The following PDZRN3 variants were observed in gnomAD, a reference collection of about 807,000 sequenced individuals.
PDZRN3 encodes PDZ domain containing ring finger 3, also known as E3 ubiquitin-protein ligase PDZRN3.
PDZRN3 carries 38 observed loss-of-function variants against 85.7 expected under a neutral mutation model. That is an observed-to-expected ratio of 0.44 (90% CI 0.34 to 0.58). The LOEUF is 0.58. Among genes scored for constraint, PDZRN3 ranks in the 20% least tolerant of loss-of-function variants. The pLI, the probability that PDZRN3 is intolerant of heterozygous loss-of-function variation, is 0.01. For synonymous variants in PDZRN3, 759 were observed against 638.0 expected (o/e 1.19, Z -2.86); for missense variants, 1,629 against 1,506.4 (o/e 1.08, Z -1.35).
intron 3 of PDZRN3, among the ~76,000 whole-genome samples, chr3:73,597,553 A>C (rs1702448338): frequency 6.6e-6 from 1 of 152,144 alleles, no homozygotes; most frequent in Non-Finnish European, 1.5e-5. Context: ...TAACCCACGC[A>C]ATCACTACAC....
intron 3 of PDZRN3, among the ~76,000 whole-genome samples, chr3:73,557,338 G>A (rs950166474): frequency 1.7e-4 from 26 of 152,212 alleles, no homozygotes; most frequent in African/African-American, 6.3e-4. Flanking sequence ...TCATATTAGA[G>A]ACAACAGCTG....
At chr3:73,594,467 A>G (rs1702405033) in intron 3 of PDZRN3, among the ~76,000 whole-genome samples, 1 of 152,166 alleles carries the variant, frequency 6.6e-6, no homozygotes, top group Admixed American at 6.5e-5. Context: ...TAATTGCAAA[A>G]ATCCTTTACC....
chr3:73,501,271 T>C (rs1051541731), intron 3 of PDZRN3, among the ~76,000 whole-genome samples: 8 of 152,238 alleles, frequency 5.3e-5, no homozygotes, highest in Non-Finnish European at 8.8e-5. Flanking sequence ...TCACCTGAGC[T>C]AGAGGCATCT....
At chr3:73,517,498 C>T (rs1245935637) in intron 3 of PDZRN3, among the ~76,000 whole-genome samples, 2 of 152,142 alleles carry the variant, frequency 1.3e-5, no homozygotes, top group South Asian at 2.1e-4. Flanking sequence ...TCAAAGTTAA[C>T]GTCACAGCGA....
At chr3:73,507,439 G>C (rs529348785) in intron 3 of PDZRN3, among the ~76,000 whole-genome samples, 135 of 152,262 alleles carry the variant, frequency 8.9e-4, no homozygotes, top group Middle Eastern at 3.4e-3. Flanking sequence ...CAAAGTGCTG[G>C]GATTACAGGC....
intron 3 of PDZRN3, among the ~76,000 whole-genome samples, chr3:73,531,978 C>T (rs1191654585): frequency 6.6e-6 from 1 of 152,178 alleles, no homozygotes; most frequent in Non-Finnish European, 1.5e-5. Flanking sequence ...TAAAAGTCTC[C>T]CAATTTTGAA....
At chr3:73,408,883 T>C (rs1429679942) in intron 3 of PDZRN3, among the ~76,000 whole-genome samples, 3 of 152,096 alleles carry the variant, frequency 2.0e-5, no homozygotes, top group Admixed American at 1.3e-4. Context: ...AGGATTAGCA[T>C]TGCATCTACA....
chr3:73,597,003 A>T (rs1240863537), intron 3 of PDZRN3, among the ~76,000 whole-genome samples: 1 of 152,206 alleles, frequency 6.6e-6, no homozygotes, highest in Non-Finnish European at 1.5e-5. Context: ...AATGTAGTAG[A>T]TGTTAATATT....
At chr3:73,580,956 G>A (rs970534805) in intron 3 of PDZRN3, among the ~76,000 whole-genome samples, 15 of 152,118 alleles carry the variant, frequency 9.9e-5, no homozygotes, top group African/African-American at 2.9e-4. Context: ...TGCTGTATCC[G>A]GTTAACAACT....
At chr3:73,544,765 C>T (rs1243185914) in intron 3 of PDZRN3, among the ~76,000 whole-genome samples, 1 of 151,650 alleles carries the variant, frequency 6.6e-6, no homozygotes, top group Non-Finnish European at 1.5e-5. Flanking sequence ...AAATCATGTG[C>T]TTTTCTTTTG....
intron 3 of PDZRN3, among the ~76,000 whole-genome samples, chr3:73,535,668 C>T (rs1046440851): frequency 6.6e-6 from 1 of 152,214 alleles, no homozygotes; most frequent in African/African-American, 2.4e-5. Context: ...GAAAACAAGT[C>T]AAGTTCCATT....
chr3:73,460,268 A>G (rs1346373262), intron 3 of PDZRN3, among the ~76,000 whole-genome samples: 1 of 152,196 alleles, frequency 6.6e-6, no homozygotes, highest in African/African-American at 2.4e-5. Context: ...TCAATAGGTG[A>G]GAGTGCGATG....
intron 3 of PDZRN3, among the ~76,000 whole-genome samples, chr3:73,465,834 G>T (rs959642663): frequency 1.3e-5 from 2 of 152,178 alleles, no homozygotes; most frequent in Non-Finnish European, 1.5e-5. Context: ...TTGGTCACTA[G>T]GTGGATTCAT....
chr3:73,503,590 G>C (rs1184234161), intron 3 of PDZRN3, among the ~76,000 whole-genome samples: 1 of 152,118 alleles, frequency 6.6e-6, no homozygotes, highest in Non-Finnish European at 1.5e-5. Context: ...TGCTTTGTTT[G>C]GTAGTTTTTG....
chr3:73,416,193 A>G (rs1702078857), intron 3 of PDZRN3, among the ~76,000 whole-genome samples: 1 of 152,082 alleles, frequency 6.6e-6, no homozygotes, highest in Non-Finnish European at 1.5e-5. Context: ...CTCCCACCGT[A>G]AGCGCTCCAG....
At chr3:73,521,849 G>A (rs753182638) in intron 3 of PDZRN3, among the ~76,000 whole-genome samples, 2 of 152,136 alleles carry the variant, frequency 1.3e-5, no homozygotes, top group Non-Finnish European at 2.9e-5. Flanking sequence ...CTGTTGTCAT[G>A]GGGAAGGACG....
chr3:73,608,720 C>G (rs1302134312), intron 1 of PDZRN3, 36 bp from the exon 2 acceptor site: 1 of 1,298,698 alleles, frequency 7.7e-7, no homozygotes, highest in South Asian at 1.2e-5. Context: ...TTTTATTTAC[C>G]AACAGGGAAT....
intron 3 of PDZRN3, among the ~76,000 whole-genome samples, chr3:73,407,207 T>A (rs528981437): frequency 6.6e-6 from 1 of 152,186 alleles, no homozygotes; most frequent in African/African-American, 2.4e-5. Context: ...AGGACTAAAC[T>A]AGGACATGAG....
intron 3 of PDZRN3, among the ~76,000 whole-genome samples, chr3:73,410,355 G>A (rs1473536646): frequency 6.6e-6 from 1 of 152,114 alleles, no homozygotes; most frequent in Non-Finnish European, 1.5e-5. Flanking sequence ...AAATTAACGT[G>A]TTTCTGAGGA....
Sources: gnomAD v4.1 joint callset for allele counts (sites outside exome capture counted in the v4.1 genomes callset) on GRCh38, gnomAD v4.1.1 for gene constraint, MANE v1.5 for transcripts, NCBI Gene and HGNC (gene_info 2026-07-23, HGNC 2026-07-21) for gene names.